PPP1R13B: variants seen among roughly 807,000 people sequenced by gnomAD.
PPP1R13B encodes protein phosphatase 1 regulatory subunit 13B, also known as apoptosis-stimulating of p53 protein 1.
A neutral mutation model predicts 119.8 loss-of-function variants in PPP1R13B; 44 were observed. The ratio of observed to expected loss-of-function variants is 0.37; its 90% CI spans 0.29 to 0.47. The LOEUF is 0.47. Ranked by LOEUF, PPP1R13B falls within the 20% of genes least tolerant of loss-of-function variation. The pLI is 0.99. For missense variants in PPP1R13B, 1,227 were observed against 1,413.5 expected, an observed-to-expected ratio of 0.87 and a Z score of 2.12; for synonymous variants, 542 against 561.5, an observed-to-expected ratio of 0.97 and a Z score of 0.49.
intron 2 of PPP1R13B, among the ~76,000 whole-genome samples, chr14:103,786,449 G>T (rs918555021): frequency 3.3e-5 from 5 of 152,044 alleles, no homozygotes; most frequent in African/African-American, 1.2e-4. Flanking sequence ...AACTGTCTCA[G>T]GTATTATGCC....
At chr14:103,747,630 C>T (rs947628586) in intron 8 of PPP1R13B, among the ~76,000 whole-genome samples, 3 of 152,052 alleles carry the variant, frequency 2.0e-5, no homozygotes, top group African/African-American at 7.2e-5. Flanking sequence ...GTGCACACTG[C>T]ACACAATTTG....
chr14:103,774,329 C>T (rs931984199), intron 4 of PPP1R13B, among the ~76,000 whole-genome samples: 42 of 152,240 alleles, frequency 2.8e-4, no homozygotes, highest in Middle Eastern at 3.4e-3. Context: ...ACACCTAAGT[C>T]GAATGTGTCT....
At chr14:103,735,874 C>CCT in intron 16 of PPP1R13B, 129 bp downstream of exon 16, 1 of 1,038,574 alleles carries the variant, frequency 9.6e-7, no homozygotes, top group East Asian at 2.6e-5. Flanking sequence ...GGCACCTCCC[C>CCT]CTCTACAGAG....
intron 15 of PPP1R13B, 126 bp downstream of exon 15, chr14:103,737,568 C>T (rs1304843379): frequency 2.1e-5 from 26 of 1,238,198 alleles, no homozygotes; most frequent in East Asian, 2.5e-5. Flanking sequence ...AGAATGAGAC[C>T]TTGTCTCCTG....
At chr14:103,799,555 C>T (rs1247183279) in intron 1 of PPP1R13B, among the ~76,000 whole-genome samples, 1 of 151,766 alleles carries the variant, frequency 6.6e-6, no homozygotes, top group African/African-American at 2.4e-5. Context: ...TCAAGTAATC[C>T]GCCTGCCTTG....
intron 1 of PPP1R13B, among the ~76,000 whole-genome samples, chr14:103,833,624 C>T (rs2086708025): frequency 6.6e-6 from 1 of 152,082 alleles, no homozygotes; most frequent in South Asian, 2.1e-4. Flanking sequence ...GCCTGGGTGA[C>T]AGAGCGAGAC....
At chr14:103,802,595 C>G (rs930426585) in intron 1 of PPP1R13B, among the ~76,000 whole-genome samples, 2 of 152,168 alleles carry the variant, frequency 1.3e-5, no homozygotes, top group African/African-American at 4.8e-5. Flanking sequence ...GAATATAGCA[C>G]GCGTAAAGCA....
intron 1 of PPP1R13B, among the ~76,000 whole-genome samples, chr14:103,833,168 A>G (rs1273401833): frequency 6.6e-6 from 1 of 152,202 alleles, no homozygotes; most frequent in Admixed American, 6.5e-5. Context: ...TAATCCTTCA[A>G]TATTTTCATA....
rs186494519 is a variant in PPP1R13B, at chr14:103,772,068, T to C, written c.354+6677A>G. 2.0e-5 allele frequency among the ~76,000 whole-genome samples: 3 copies of C among 152,328 alleles called. No individual in the cohort carries two copies. In the East Asian group the frequency reaches 5.8e-4, roughly 29 times the overall value. On this transcript the variant is annotated intron_variant, in intron 4 of 16. Transcript: ENST00000202556. ...CTAGAGATTATGTTTTCTAGAATTG[T>C]ATATGAATGAAACCATAACAGTATT...
At chr14:103,776,164 G>GGGAA (rs1185866697) in intron 4 of PPP1R13B, among the ~76,000 whole-genome samples, 3 of 108,012 alleles carry the variant, frequency 2.8e-5, no homozygotes, top group Non-Finnish European at 5.6e-5. Context: ...AAGGGAGGAA[G>GGGAA]GGAAGGAGGG....
intron 1 of PPP1R13B, among the ~76,000 whole-genome samples, chr14:103,814,742 G>A (rs1174513497): frequency 2.6e-5 from 4 of 152,006 alleles, no homozygotes; most frequent in East Asian, 3.9e-4. Flanking sequence ...TCAGGAGATC[G>A]AGACCATCCT....
chr14:103,778,859 A>T, intron 3 of PPP1R13B, 38 bp from the exon 4 acceptor site: 1 of 1,505,074 alleles, frequency 6.6e-7, no homozygotes, highest in Non-Finnish European at 9.2e-7. Flanking sequence ...CAAAAGGCGT[A>T]TTAGAAAAAA....
chr14:103,776,213 GAA>G (rs2085190255), intron 4 of PPP1R13B, among the ~76,000 whole-genome samples: 1 of 148,878 alleles, frequency 6.7e-6, no homozygotes, highest in Non-Finnish European at 1.5e-5. Flanking sequence ...AGGAAGGAAG[GAA>G]GGAAGGAAGG....
intron 1 of PPP1R13B, among the ~76,000 whole-genome samples, chr14:103,800,964 C>G (rs112980247): frequency 5.3e-5 from 8 of 152,076 alleles, no homozygotes; most frequent in African/African-American, 1.4e-4. Context: ...GATTCTCCTG[C>G]CTCAGCCTCC....
chr14:103,777,388 G>A (rs1338746011), intron 4 of PPP1R13B, among the ~76,000 whole-genome samples: 4 of 152,140 alleles, frequency 2.6e-5, no homozygotes, highest in Non-Finnish European at 5.9e-5. Context: ...AATGATGGAG[G>A]AAGACACTGC....
Position 103,733,247 on chromosome 14 carries a change from C to G in PPP1R13B, c.*1907G>C. 1 of 561,112 alleles carries G rather than the reference C, an allele frequency of 1.8e-6. No individual in the cohort carries two copies. Among genetic ancestry groups the G allele is most frequent in the Non-Finnish European group, 3.1e-6 (1 of 319,854 alleles). 34.8% of individuals were successfully genotyped at this position (561,112 alleles called of 1,614,324 possible). On this transcript the variant is annotated 3_prime_UTR_variant, in exon 17 of 17. Coordinates refer to ENST00000202556, the MANE Select transcript of PPP1R13B (RefSeq NM_015316.3). The stretch of plus-strand genomic sequence containing the variant: ...TTTTAGAATTTGTGTATTGTCAATA[C>G]TTAATTGGGGGTGGGAGAGACTGAG...
chr14:103,807,679 A>G (rs2086050276), intron 1 of PPP1R13B, among the ~76,000 whole-genome samples: 1 of 151,980 alleles, frequency 6.6e-6, no homozygotes, highest in Admixed American at 6.6e-5. Flanking sequence ...TATTTTTAGA[A>G]GAGACGGGGT....
rs530083884 is a variant in PPP1R13B, at chr14:103,746,457, C to T, written c.1066G>A (p.Gly356Arg). Residue 356 changes from glycine (G) to arginine (R), a missense_variant, in exon 9 of 17, where the codon GGA becomes AGA. Transcript: ENST00000202556. ...GGGTCCCCCAGCACAGGAAAGCTTC[C>T]GGCACTGGGAACCTGGATATAAGGC... is the stretch of plus-strand genomic sequence containing the variant. ...VGPYIQVPSA[G>R]SFPVLGDPIK... 16 of 1,614,114 alleles carry T rather than the reference C, an allele frequency of 9.9e-6. No individual in the cohort carries two copies. The highest frequency in any genetic ancestry group is 1.3e-5 in the African/African-American group (1 of 75,042).
At chr14:103,768,160 G>A (rs997314822) in intron 4 of PPP1R13B, among the ~76,000 whole-genome samples, 1 of 151,184 alleles carries the variant, frequency 6.6e-6, no homozygotes, top group Admixed American at 6.6e-5. Flanking sequence ...TGTCACCCAG[G>A]CTGGAGTGCA....
Sources: allele counts gnomAD v4.1 joint callset (sites outside exome capture counted in the v4.1 genomes callset), GRCh38; gene constraint gnomAD v4.1.1; transcripts MANE v1.5; gene names NCBI Gene and HGNC (gene_info 2026-07-23, HGNC 2026-07-21).